PCSK2: variants seen among roughly 807,000 people sequenced by gnomAD.
PCSK2 encodes proprotein convertase subtilisin/kexin type 2, also known as neuroendocrine convertase 2.
In PCSK2, 14 loss-of-function variants were observed where a neutral mutation model predicts 69.7. That is an observed-to-expected ratio of 0.20 (90% confidence interval 0.13 to 0.31). The LOEUF (loss-of-function observed/expected upper bound fraction) is 0.31. PCSK2 is among the 10% of genes least tolerant of loss of function. PCSK2 has a pLI of 1.00. For missense variants in PCSK2, 544 were observed against 842.5 expected, an observed-to-expected ratio of 0.65 and a Z score of 4.39; for synonymous variants, 307 against 320.7, an observed-to-expected ratio of 0.96 and a Z score of 0.46.
intron 2 of PCSK2, among the ~76,000 whole-genome samples, chr20:17,347,863 G>GA (rs2123186488): frequency 2.4e-5 from 1 of 41,438 alleles, no homozygotes; most frequent in African/African-American, 9.5e-5. Flanking sequence ...AAAGAAAGAG[G>GA]AGAGAGAAAA....
In PCSK2 at chr20:17,358,335, G is replaced by A; in HGVS notation, c.291G>A (p.Met97Ile). The A allele has an allele frequency of 6.3e-7, 1 of 1,593,234 alleles. No individual in the cohort carries two copies. ...CAGCATTGTCATTCCAGGTAAAGAT[G>A]GCTTTGCAGCAGGAAGGATTTGACC... ...QQLERDPRVKMALQQEGFDRK... is the reference protein window; with the variant it reads ...QQLERDPRVKIALQQEGFDRK... The change falls in exon 3 of 12, where the codon ATG (methionine) becomes ATA (isoleucine). Residue 97 changes from methionine (M) to isoleucine (I), a missense_variant. Transcript: ENST00000262545.
intron 11 of PCSK2, among the ~76,000 whole-genome samples, chr20:17,466,816 G>C (rs149672717): frequency 6.6e-6 from 1 of 152,082 alleles, no homozygotes; most frequent in Non-Finnish European, 1.5e-5. Flanking sequence ...CTTCCAGCTC[G>C]TCCACACGCT....
At chr20:17,238,558 C>T (rs770018961) in intron 1 of PCSK2, among the ~76,000 whole-genome samples, 13 of 152,124 alleles carry the variant, frequency 8.5e-5, no homozygotes, top group Non-Finnish European at 1.9e-4. Context: ...CCTTGTTGCT[C>T]ATTGGCGGTG....
At chr20:17,243,606 G>T (rs1986664332) in intron 1 of PCSK2, among the ~76,000 whole-genome samples, 1 of 152,172 alleles carries the variant, frequency 6.6e-6, no homozygotes, top group South Asian at 2.1e-4. Context: ...AGCACTGAAT[G>T]TACCCACAAT....
At chr20:17,402,677 A>AAC (rs1555793374) in intron 5 of PCSK2, among the ~76,000 whole-genome samples, 1 of 149,150 alleles carries the variant, frequency 6.7e-6, no homozygotes, top group East Asian at 2.0e-4. Context: ...AAAAAAAAAA[A>AAC]GGCATGGTGG....
chr20:17,431,427 G>A (rs1013781691), intron 7 of PCSK2, among the ~76,000 whole-genome samples: 1 of 152,228 alleles, frequency 6.6e-6, no homozygotes, highest in African/African-American at 2.4e-5. Context: ...CCCGGTGGGT[G>A]CAGCAGCCTC....
At chr20:17,351,663 C>A (rs1195205235) in intron 2 of PCSK2, among the ~76,000 whole-genome samples, 1 of 151,994 alleles carries the variant, frequency 6.6e-6, no homozygotes, top group Non-Finnish European at 1.5e-5. Flanking sequence ...AAGAAAAAAA[C>A]CCTCAACAAA....
At chr20:17,480,560 T>C (rs2123426565) in intron 11 of PCSK2, among the ~76,000 whole-genome samples, 1 of 152,284 alleles carries the variant, frequency 6.6e-6, no homozygotes, top group African/African-American at 2.4e-5. Flanking sequence ...CTTAGCACTT[T>C]GAAAGAAAGA....
intron 1 of PCSK2, among the ~76,000 whole-genome samples, chr20:17,250,254 T>C (rs1158663491): frequency 6.6e-6 from 1 of 152,242 alleles, no homozygotes; most frequent in Non-Finnish European, 1.5e-5. Flanking sequence ...GTCTCCTTAG[T>C]TTCCTCTAAT....
chr20:17,328,031 C>A, intron 2 of PCSK2, among the ~76,000 whole-genome samples: 1 of 152,144 alleles, frequency 6.6e-6, no homozygotes, highest in East Asian at 1.9e-4. Context: ...AACAATCCCA[C>A]CATGAAATGA....
At chr20:17,441,769 T>C (rs544979191) in intron 8 of PCSK2, among the ~76,000 whole-genome samples, 28 of 152,204 alleles carry the variant, frequency 1.8e-4, no homozygotes, top group Admixed American at 8.5e-4. Flanking sequence ...CACTGGGTCC[T>C]TCCCACAACA....
At chr20:17,389,186 A>G (rs1447653541) in intron 5 of PCSK2, among the ~76,000 whole-genome samples, 1 of 150,834 alleles carries the variant, frequency 6.6e-6, no homozygotes, top group African/African-American at 2.4e-5. Context: ...CTCACTTGCC[A>G]TATAAATAAG....
At chr20:17,394,658 A>G (rs956970852) in intron 5 of PCSK2, among the ~76,000 whole-genome samples, 14 of 152,210 alleles carry the variant, frequency 9.2e-5, no homozygotes, top group African/African-American at 3.4e-4. Context: ...GGTCTAGGGC[A>G]GAGTATTTCC....
At chr20:17,480,659 C>T (rs988437506) in intron 11 of PCSK2, among the ~76,000 whole-genome samples, 1 of 152,120 alleles carries the variant, frequency 6.6e-6, no homozygotes, top group African/African-American at 2.4e-5. Flanking sequence ...AGAAATGATC[C>T]CAGGTAACAC....
At chr20:17,342,050 A>G (rs1990525329) in intron 2 of PCSK2, among the ~76,000 whole-genome samples, 1 of 152,192 alleles carries the variant, frequency 6.6e-6, no homozygotes. Context: ...ATGAAGCACT[A>G]TCCAGTCCCA....
intron 2 of PCSK2, among the ~76,000 whole-genome samples, chr20:17,294,240 G>A (rs1242477406): frequency 6.6e-6 from 1 of 151,188 alleles, no homozygotes; most frequent in Non-Finnish European, 1.5e-5. Context: ...GAGTAGCTGG[G>A]ACTACAGGCG....
At chr20:17,249,844 G>A (rs932101218) in intron 1 of PCSK2, among the ~76,000 whole-genome samples, 1 of 152,026 alleles carries the variant, frequency 6.6e-6, no homozygotes, top group Non-Finnish European at 1.5e-5. Context: ...GCTGGGGGGG[G>A]AATGGAGAGT....
At chr20:17,266,261 G>C (rs1600426434) in intron 2 of PCSK2, among the ~76,000 whole-genome samples, 1 of 152,172 alleles carries the variant, frequency 6.6e-6, no homozygotes, top group Non-Finnish European at 1.5e-5. Context: ...AGTTGGCCTC[G>C]GTTCCCTGGT....
At chr20:17,285,019 G>C (rs999344895) in intron 2 of PCSK2, among the ~76,000 whole-genome samples, 1 of 152,178 alleles carries the variant, frequency 6.6e-6, no homozygotes, top group East Asian at 1.9e-4. Context: ...TAATGTCAGA[G>C]ATCTTATCTA....
Sources: allele counts gnomAD v4.1 joint callset (sites outside exome capture counted in the v4.1 genomes callset), GRCh38; gene constraint gnomAD v4.1.1; transcripts MANE v1.5; gene names NCBI Gene and HGNC (gene_info 2026-07-23, HGNC 2026-07-21).